The following ME3 variants were observed in gnomAD, a reference collection of about 807,000 sequenced individuals.
ME3 encodes the protein NADP-dependent malic enzyme, mitochondrial.
ME3 carries 48 observed loss-of-function variants against 68.9 expected under a neutral mutation model. The observed-to-expected ratio is 0.70, with a 90% CI of 0.55 to 0.89. ME3 has a LOEUF of 0.89. Among genes scored for constraint, ME3 ranks in the 40% least tolerant of loss-of-function variants. The probability of loss-of-function intolerance (pLI) is 0.00; values close to 1 mark genes in which losing one functional copy is unlikely to be tolerated. For synonymous variants in ME3, 320 were observed against 318.8 expected (o/e 1.00, Z -0.04); for missense variants, 675 against 797.4 (o/e 0.85, Z 1.85).
chr11:86,493,920 C>T (rs1029631795), intron 6 of ME3, among the ~76,000 whole-genome samples: 3 of 152,160 alleles, frequency 2.0e-5, no homozygotes, highest in Admixed American at 1.3e-4. Context: ...CTCATGACAG[C>T]ATCCTCCCTG....
At chr11:86,656,104 T>C (rs1364208956) in intron 2 of ME3, among the ~76,000 whole-genome samples, 1 of 150,110 alleles carries the variant, frequency 6.7e-6, no homozygotes, top group Admixed American at 6.6e-5. Flanking sequence ...AAACAACAGG[T>C]GCTGGAGAGG....
intron 4 of ME3, among the ~76,000 whole-genome samples, chr11:86,515,797 A>G (rs1417230142): frequency 6.6e-6 from 1 of 152,108 alleles, no homozygotes; most frequent in Non-Finnish European, 1.5e-5. Context: ...CTTGAGAATG[A>G]GTCAAAACCC....
Position 86,489,487 on chromosome 11 carries a change from C to T in ME3, c.706-2047G>A, listed in dbSNP as rs1426927224. On this transcript the variant is annotated intron_variant, in intron 6 of 14. Coordinates refer to ENST00000543262, the Ensembl canonical transcript of ME3. ...GTACTGCCCTAAGTGCTTTACTTAA[C>T]CCAATGAGGTTGTGTCAGCCATGGA... Among the ~76,000 whole-genome samples, 3 of 152,280 alleles carry T rather than the reference C, an allele frequency of 2.0e-5. No homozygotes were observed. The East Asian group carries it at 5.8e-4, about 29-fold the overall frequency.
intron 2 of ME3, among the ~76,000 whole-genome samples, chr11:86,564,771 G>T (rs1472459340): frequency 1.3e-5 from 2 of 152,112 alleles, no homozygotes; most frequent in Admixed American, 1.3e-4. Context: ...AAATCTTTCT[G>T]ATCTTGGATT....
At chr11:86,654,020 C>A (rs1055600784) in intron 2 of ME3, among the ~76,000 whole-genome samples, 1 of 152,160 alleles carries the variant, frequency 6.6e-6, no homozygotes, top group African/African-American at 2.4e-5. Flanking sequence ...TTCCTCGACA[C>A]ATACACCCTC....
chr11:86,598,060 T>C (rs1303807996), intron 2 of ME3, among the ~76,000 whole-genome samples: 3 of 152,128 alleles, frequency 2.0e-5, no homozygotes, highest in Non-Finnish European at 4.4e-5. Flanking sequence ...TCTGAGGTAC[T>C]GGGTTCATCT....
chr11:86,602,331 T>C (rs1960835806), intron 2 of ME3, among the ~76,000 whole-genome samples: 1 of 150,776 alleles, frequency 6.6e-6, no homozygotes, highest in Non-Finnish European at 1.5e-5. Context: ...GAGAGCCAAA[T>C]CGTGAGTCAA....
chr11:86,651,247 TG>T (rs1368729905), intron 2 of ME3, among the ~76,000 whole-genome samples: 1 of 152,172 alleles, frequency 6.6e-6, no homozygotes, highest in Admixed American at 6.5e-5. Flanking sequence ...AAGACAGTAG[TG>T]GTTCTCCCAG....
intron 4 of ME3, among the ~76,000 whole-genome samples, chr11:86,524,090 T>C (rs2139208055): frequency 6.6e-6 from 1 of 152,330 alleles, no homozygotes; most frequent in South Asian, 2.1e-4. Flanking sequence ...TTAACACTCT[T>C]CACTTTCTTT....
At chr11:86,654,529 T>G (rs1945715575) in intron 2 of ME3, among the ~76,000 whole-genome samples, 1 of 152,198 alleles carries the variant, frequency 6.6e-6, no homozygotes, top group Non-Finnish European at 1.5e-5. Context: ...AGAAAAGGCC[T>G]TTGACAAAAT....
intron 2 of ME3, among the ~76,000 whole-genome samples, chr11:86,582,826 G>A (rs1172607560): frequency 1.3e-5 from 2 of 151,340 alleles, no homozygotes; most frequent in African/African-American, 4.9e-5. Context: ...AAAATCAGTT[G>A]CCTCACCTGC....
At chr11:86,609,578 T>A (rs1362473163) in intron 2 of ME3, among the ~76,000 whole-genome samples, 1 of 152,120 alleles carries the variant, frequency 6.6e-6, no homozygotes, top group Non-Finnish European at 1.5e-5. Flanking sequence ...TATGTATGCA[T>A]GCACACACAC....
At chr11:86,546,867 G>A (rs188841331) in intron 4 of ME3, among the ~76,000 whole-genome samples, 56 of 151,934 alleles carry the variant, frequency 3.7e-4, no homozygotes, top group African/African-American at 1.2e-3. Flanking sequence ...ACATGCACAC[G>A]TATGTTTACT....
At chr11:86,600,243 A>C (rs1960369319) in intron 2 of ME3, among the ~76,000 whole-genome samples, 2 of 152,162 alleles carry the variant, frequency 1.3e-5, no homozygotes, top group Admixed American at 6.5e-5. Flanking sequence ...GCTCAAAATA[A>C]AAGGATGGAG....
chr11:86,478,543 C>G (rs1452114261), intron 7 of ME3, among the ~76,000 whole-genome samples: 1 of 152,134 alleles, frequency 6.6e-6, no homozygotes, highest in East Asian at 1.9e-4. Context: ...TGCCTCTAAT[C>G]TCTTCCCACA....
intron 4 of ME3, among the ~76,000 whole-genome samples, chr11:86,544,611 G>T (rs1168635043): frequency 6.6e-6 from 1 of 152,148 alleles, no homozygotes; most frequent in Non-Finnish European, 1.5e-5. Context: ...AAACCAGGAA[G>T]AAGTCCAATC....
chr11:86,600,710 C>G (rs1429261643), intron 2 of ME3, among the ~76,000 whole-genome samples: 3 of 151,912 alleles, frequency 2.0e-5, no homozygotes, highest in Non-Finnish European at 4.4e-5. Context: ...AAGTAAAGCT[C>G]TCCTCAGCAA....
chr11:86,491,795 T>C (rs935267443), intron 6 of ME3, among the ~76,000 whole-genome samples: 1 of 152,212 alleles, frequency 6.6e-6, no homozygotes, highest in African/African-American at 2.4e-5. Context: ...GAATTTCAGA[T>C]AGGCAATAAT....
intron 2 of ME3, among the ~76,000 whole-genome samples, chr11:86,578,625 G>A (rs1026665164): frequency 1.3e-5 from 2 of 152,098 alleles, no homozygotes; most frequent in Non-Finnish European, 2.9e-5. Flanking sequence ...TCTCAACTCT[G>A]CCACCTTATC....
Sources: allele counts gnomAD v4.1 joint callset (sites outside exome capture counted in the v4.1 genomes callset), GRCh38; gene constraint gnomAD v4.1.1; transcripts MANE v1.5; gene names NCBI Gene and HGNC (gene_info 2026-07-23, HGNC 2026-07-21).